TRIM2: variants seen among roughly 807,000 people sequenced by gnomAD.
TRIM2 encodes the protein tripartite motif containing 2.
TRIM2 carries 20 observed loss-of-function variants against 75.2 expected under a neutral mutation model. That is an observed-to-expected ratio of 0.27 (90% CI 0.19 to 0.39). TRIM2 has a LOEUF of 0.39. TRIM2 is among the 10% of genes least tolerant of loss of function. The pLI, the probability that TRIM2 is intolerant of heterozygous loss-of-function variation, is 1.00. For synonymous variants in TRIM2, 373 were observed against 388.3 expected (o/e 0.96, Z 0.46); for missense variants, 660 against 990.8 (o/e 0.67, Z 4.48).
intron 2 of TRIM2, among the ~76,000 whole-genome samples, chr4:153,275,625 C>T (rs1757834259): frequency 6.6e-6 from 1 of 152,226 alleles, no homozygotes; most frequent in African/African-American, 2.4e-5. Context: ...TGACGCTGCT[C>T]ATCCATGGAC....
At chr4:153,278,954 G>A (rs776130323) in intron 3 of TRIM2, among the ~76,000 whole-genome samples, 1 of 152,242 alleles carries the variant, frequency 6.6e-6, no homozygotes, top group Non-Finnish European at 1.5e-5. Flanking sequence ...GGCCTGAAAA[G>A]ATAGATGTGG....
chr4:153,254,247 G>T (rs1751529164), intron 1 of TRIM2, among the ~76,000 whole-genome samples: 1 of 152,318 alleles, frequency 6.6e-6, no homozygotes, highest in South Asian at 2.1e-4. Flanking sequence ...ATCATACAGG[G>T]TCAGTAAATA....
chr4:153,335,028 A>G lies in TRIM2; in HGVS notation c.*62A>G, dbSNP rs1038242366. 46 of 1,452,766 alleles carry G rather than the reference A, an allele frequency of 3.2e-5. No individual in the cohort carries two copies. The highest frequency in any genetic ancestry group is 2.7e-4 in the South Asian group (17 of 63,980). The allele number at this position is 1,452,766 out of a possible 1,614,324, so 90.0% of individuals were successfully genotyped here. A position where few individuals can be genotyped will look rare whatever the true frequency, so the allele number is the denominator to read the frequency against. The stretch of plus-strand genomic sequence containing the variant: ...ACTATAAACTGGAATGGATTTCTCA[A>G]TGCGGGACCAGATTATGACTAGAGT... On this transcript the variant is annotated 3_prime_UTR_variant, in exon 12 of 12. Coordinates refer to ENST00000338700, the MANE Select transcript of TRIM2 (RefSeq NM_015271.5).
Position 153,315,869 on chromosome 4 carries a change from G to A in TRIM2, c.1652G>A (p.Gly551Asp), listed in dbSNP as rs1767482057. The change falls in exon 8 of 12, where the codon GGC becomes GAC. Residue 551 changes from glycine (G) to aspartate (D), a missense_variant. Physicochemically the swap from Gly to Asp is moderately conservative, Grantham distance 94. Around this residue, in one of 2 missense-constraint regions of TRIM2, gnomAD observed 620 missense variants for 891.0 expected, o/e 0.70. Coordinates refer to ENST00000338700, the MANE Select transcript of TRIM2 (RefSeq NM_015271.5). ...SNDGQFKSRF[G>D]IRGRSPGQLQ... ...GATGGCCAGTTCAAAAGTCGTTTTG[G>A]CATACGGGGACGCTCTCCGGGGCAG... 6 of 1,614,086 alleles carry A rather than the reference G, an allele frequency of 3.7e-6. No individual in the cohort carries two copies. The highest frequency in any genetic ancestry group is 5.1e-6 in the Non-Finnish European group (6 of 1,180,012).
intron 1 of TRIM2, among the ~76,000 whole-genome samples, chr4:153,244,394 T>TTCC: frequency 1.2e-5 from 1 of 81,830 alleles, no homozygotes; most frequent in African/African-American, 7.9e-5. Context: ...CTTCTTCTTC[T>TTCC]TCTTCTTCTT....
At chr4:153,281,748 T>C (rs1414325973) in intron 3 of TRIM2, among the ~76,000 whole-genome samples, 2 of 152,244 alleles carry the variant, frequency 1.3e-5, no homozygotes, top group Non-Finnish European at 2.9e-5. Context: ...CATGGTGGCA[T>C]TGTTCAAATA....
At chr4:153,222,034 GAAAGAGCGAGGA>G (rs1740604037) in intron 1 of TRIM2, among the ~76,000 whole-genome samples, 2 of 28,698 alleles carry the variant, frequency 7.0e-5, no homozygotes, top group Non-Finnish European at 1.4e-4. Flanking sequence ...AGGAAGGAAG[GAAAGAGCGAGGA>G]AGGGAGGGAG....
chr4:153,176,340 C>T (rs573872502), intron 1 of TRIM2, among the ~76,000 whole-genome samples: 1 of 151,616 alleles, frequency 6.6e-6, no homozygotes, highest in Non-Finnish European at 1.5e-5. Flanking sequence ...GTAATTCCAG[C>T]TACTAGGGAG....
chr4:153,276,296 A>G, intron 3 of TRIM2, 166 bp downstream of exon 3: 1 of 621,946 alleles, frequency 1.6e-6, no homozygotes, highest in South Asian at 1.9e-5. Context: ...ACTTTCTTTG[A>G]CCAGAACTAT....
At chr4:153,155,007 G>A (rs1729098889) in intron 1 of TRIM2, among the ~76,000 whole-genome samples, 1 of 152,158 alleles carries the variant, frequency 6.6e-6, no homozygotes, top group African/African-American at 2.4e-5. Flanking sequence ...AGGCGTAATG[G>A]TGGGCACCTG....
Position 153,335,075 on chromosome 4 carries a change from T to G in TRIM2, c.*109T>G, listed in dbSNP as rs1009278871. ...GAGTTTTTATGCCAGAAGGAATCAT[T>G]GGTGAACTTTCCAAGGTTATTTCTG... On this transcript the variant is annotated 3_prime_UTR_variant, in exon 12 of 12. Coordinates refer to ENST00000338700, the MANE Select transcript of TRIM2 (RefSeq NM_015271.5). 2 of 1,339,026 alleles carry G rather than the reference T, an allele frequency of 1.5e-6. No homozygotes were observed. The highest frequency in any genetic ancestry group is 1.9e-6 in the Non-Finnish European group (2 of 1,034,910). 82.9% of individuals were successfully genotyped at this position (1,339,026 alleles called of 1,614,324 possible).
At chr4:153,244,349 T>TCTTCCTCTTCC (rs1748042751) in intron 1 of TRIM2, among the ~76,000 whole-genome samples, 2 of 30,476 alleles carry the variant, frequency 6.6e-5, no homozygotes, top group East Asian at 1.2e-3. Context: ...CTTCTTCTTC[T>TCTTCCTCTTCC]TCTTCCTCTT....
chr4:153,177,865 G>A (rs757656060), intron 1 of TRIM2, among the ~76,000 whole-genome samples: 67 of 151,788 alleles, frequency 4.4e-4, no homozygotes, highest in Non-Finnish European at 6.5e-4. Context: ...GCAGTGGGGC[G>A]GTCTTGGCTC....
At chr4:153,293,332 C>A (rs1214222531) in intron 4 of TRIM2, among the ~76,000 whole-genome samples, 199 bp downstream of exon 4, 3 of 152,194 alleles carry the variant, frequency 2.0e-5, no homozygotes, top group African/African-American at 7.2e-5. Context: ...TGGTAGAACT[C>A]CAGCCTCCTT....
chr4:153,199,849 T>C (rs1270762946), upstream of TRIM2, among the ~76,000 whole-genome samples: 1 of 152,006 alleles, frequency 6.6e-6, no homozygotes, highest in South Asian at 2.1e-4. Context: ...TCATAGGTCA[T>C]TGAAGCCTAA....
chr4:153,242,346 G>T (rs1241942316), intron 1 of TRIM2, among the ~76,000 whole-genome samples: 1 of 151,318 alleles, frequency 6.6e-6, no homozygotes, highest in African/African-American at 2.4e-5. Context: ...CTATTCCCAG[G>T]AGTCTGCCTT....
intron 1 of TRIM2, among the ~76,000 whole-genome samples, chr4:153,250,242 C>T (rs1021226923): frequency 6.6e-6 from 1 of 152,122 alleles, no homozygotes; most frequent in African/African-American, 2.4e-5. Flanking sequence ...GCCTCAGCCT[C>T]CCAAGTAGCT....
chr4:153,211,149 T>A (rs1006394514), intron 1 of TRIM2, among the ~76,000 whole-genome samples: 1 of 152,114 alleles, frequency 6.6e-6, no homozygotes, highest in Non-Finnish European at 1.5e-5. Context: ...CACACCGACC[T>A]GGTGGTGTCT....
At chr4:153,172,342 C>T (rs189562185) in intron 1 of TRIM2, among the ~76,000 whole-genome samples, 15 of 152,068 alleles carry the variant, frequency 9.9e-5, no homozygotes, top group African/African-American at 3.1e-4. Flanking sequence ...CGCCCGCCAC[C>T]GCGCCCGGCT....
Sources: gnomAD v4.1 joint callset for allele counts (sites outside exome capture counted in the v4.1 genomes callset) on GRCh38, gnomAD v4.1.1 for gene constraint, gnomAD v4.1.1 regional missense constraint, MANE v1.5 for transcripts, NCBI Gene and HGNC (gene_info 2026-07-23, HGNC 2026-07-21) for gene names.